DLGAP2: variants seen among roughly 807,000 people sequenced by gnomAD.
The protein encoded by DLGAP2 is DLG associated protein 2.
In DLGAP2, 26 loss-of-function variants were observed where a neutral mutation model predicts 100.3. The ratio of observed to expected loss-of-function variants is 0.26; its 90% CI spans 0.19 to 0.36. DLGAP2 has a LOEUF of 0.36. DLGAP2 is among the 10% of genes least tolerant of loss of function. DLGAP2 has a pLI of 1.00. For synonymous variants in DLGAP2, 886 were observed against 630.1 expected (o/e 1.41, Z -6.08); for missense variants, 1,858 against 1,453.2 (o/e 1.28, Z -4.53).
intron 1 of DLGAP2, among the ~76,000 whole-genome samples, chr8:882,929 G>C (rs975665981): frequency 3.9e-5 from 6 of 152,256 alleles, no homozygotes; most frequent in African/African-American, 1.4e-4. Flanking sequence ...GTCTGGGCAT[G>C]GGTAACTACT....
intron 3 of DLGAP2, among the ~76,000 whole-genome samples, chr8:1,458,419 T>C (rs1798380539): frequency 6.6e-6 from 1 of 152,160 alleles, no homozygotes; most frequent in Non-Finnish European, 1.5e-5. Context: ...TGGCCTTTTA[T>C]TGTGTTGAGT....
At chr8:1,198,969 T>C (rs949295810) in intron 2 of DLGAP2, among the ~76,000 whole-genome samples, 1 of 152,220 alleles carries the variant, frequency 6.6e-6, no homozygotes, top group Non-Finnish European at 1.5e-5. Flanking sequence ...GCTATACCAG[T>C]TGTGGATGAA....
At chr8:1,154,993 C>T (rs949041115) in intron 2 of DLGAP2, among the ~76,000 whole-genome samples, 1 of 152,222 alleles carries the variant, frequency 6.6e-6, no homozygotes, top group Non-Finnish European at 1.5e-5. Flanking sequence ...CTTCCCGGGC[C>T]TTGTCCCTCC....
intron 1 of DLGAP2, among the ~76,000 whole-genome samples, chr8:824,257 G>T (rs1011959224): frequency 2.1e-4 from 32 of 151,556 alleles, no homozygotes; most frequent in African/African-American, 7.3e-4. Context: ...GTATTTTTTT[G>T]TAGAGATGGG....
At chr8:995,683 C>G (rs1431373153) in intron 2 of DLGAP2, among the ~76,000 whole-genome samples, 1 of 152,142 alleles carries the variant, frequency 6.6e-6, no homozygotes, top group East Asian at 1.9e-4. Context: ...ACAGAAGTGA[C>G]TCAGCATGGG....
At chr8:1,516,501 G>T (rs529531025) in intron 4 of DLGAP2, among the ~76,000 whole-genome samples, 6 of 151,286 alleles carry the variant, frequency 4.0e-5, no homozygotes, top group African/African-American at 1.5e-4. Context: ...ATGAATGAGT[G>T]AGTGAATGAG....
intron 2 of DLGAP2, among the ~76,000 whole-genome samples, chr8:952,882 C>G (rs1270515708): frequency 6.6e-6 from 1 of 152,196 alleles, no homozygotes; most frequent in Non-Finnish European, 1.5e-5. Context: ...TGCATTCTCA[C>G]ACAAATATGG....
chr8:1,318,723 C>G (rs12547482), intron 3 of DLGAP2, among the ~76,000 whole-genome samples: 2 of 151,426 alleles, frequency 1.3e-5, no homozygotes, highest in Non-Finnish European at 2.9e-5. Flanking sequence ...GGTTCCTATT[C>G]GTACTTAATA....
intron 1 of DLGAP2, among the ~76,000 whole-genome samples, chr8:882,486 C>A (rs545425010): frequency 7.8e-6 from 1 of 127,804 alleles, no homozygotes; most frequent in Non-Finnish European, 1.6e-5. Flanking sequence ...CTCGCCTGAT[C>A]CAGCGGTACC....
chr8:1,252,503 T>C (rs1437153269), intron 2 of DLGAP2, among the ~76,000 whole-genome samples: 1 of 152,240 alleles, frequency 6.6e-6, no homozygotes, highest in Non-Finnish European at 1.5e-5. Flanking sequence ...CACAGTCACG[T>C]CATCACCATG....
chr8:945,154 C>T (rs1378522708), intron 2 of DLGAP2, among the ~76,000 whole-genome samples: 1 of 152,154 alleles, frequency 6.6e-6, no homozygotes, highest in Non-Finnish European at 1.5e-5. Context: ...AGAACCATGA[C>T]TTTTGTTTTT....
chr8:984,511 G>A (rs116866037), intron 2 of DLGAP2, among the ~76,000 whole-genome samples: 3 of 152,148 alleles, frequency 2.0e-5, no homozygotes, highest in Admixed American at 6.5e-5. Context: ...CTTGGCCCAC[G>A]CTCCTGGCCA....
chr8:1,707,856 C>G lies in DLGAP2; in HGVS notation c.*6450C>G, dbSNP rs1799747379. On this transcript the variant is annotated 3_prime_UTR_variant, in exon 15 of 15. Coordinates refer to ENST00000637795, the MANE Select transcript of DLGAP2 (RefSeq NM_001346810.2). ...GAGTGCCAAATATTCAGCATCTGTA[C>G]AAAGTCATTCACTGGAATTCAACTA... The G allele has an allele frequency of 6.6e-6, 1 of 152,590 alleles. No individual in the cohort carries two copies. The highest frequency in any genetic ancestry group is 2.1e-4 in the South Asian group (1 of 4,834). The allele number at this position is 152,590 out of a possible 1,614,324, so 9.5% of individuals were successfully genotyped here.
chr8:1,367,552 G>A (rs751739424), intron 3 of DLGAP2, among the ~76,000 whole-genome samples: 9 of 152,186 alleles, frequency 5.9e-5, no homozygotes, highest in African/African-American at 1.2e-4. Flanking sequence ...CAGTGGGATC[G>A]TTGTCACCTC....
intron 2 of DLGAP2, among the ~76,000 whole-genome samples, chr8:972,682 G>A (rs112984290): frequency 0.017 from 2,610 of 151,772 alleles, 75 homozygotes; most frequent in African/African-American, 0.06. Flanking sequence ...GATTTGGCAG[G>A]GTCATAGGAC....
chr8:1,036,138 C>T (rs1223246647), intron 2 of DLGAP2, among the ~76,000 whole-genome samples: 1 of 147,670 alleles, frequency 6.8e-6, no homozygotes, highest in Non-Finnish European at 1.5e-5. Flanking sequence ...ATCCCGACCC[C>T]GCGTGTCACC....
chr8:779,563 A>G (rs1315631575), intron 1 of DLGAP2, among the ~76,000 whole-genome samples: 1 of 151,266 alleles, frequency 6.6e-6, no homozygotes, highest in Non-Finnish European at 1.5e-5. Context: ...TCCTGGGCTC[A>G]AGTGATCTTC....
chr8:1,168,679 C>G (rs938320738), intron 2 of DLGAP2, among the ~76,000 whole-genome samples: 1 of 145,790 alleles, frequency 6.9e-6, no homozygotes, highest in South Asian at 2.2e-4. Context: ...TAAATGTCTT[C>G]TTTTGAGAAG....
chr8:745,129 C>T lies in DLGAP2; in HGVS notation c.18+7304C>T, dbSNP rs555518145. On this transcript the variant is annotated intron_variant, in intron 1 of 14. Coordinates refer to ENST00000637795, the MANE Select transcript of DLGAP2 (RefSeq NM_001346810.2). ...CCGAGTTGTGGGTGCTGGAGACAAG[C>T]ACAGCGGCAGGTTCTTTACCTTTTT... is the stretch of plus-strand genomic sequence containing the variant. Among the ~76,000 whole-genome samples, 5 of 152,380 alleles carry T rather than the reference C, an allele frequency of 3.3e-5. No homozygotes were observed. In the East Asian group the frequency reaches 9.6e-4, roughly 29 times the overall value.
Sources: gnomAD v4.1 joint callset for allele counts (sites outside exome capture counted in the v4.1 genomes callset) on GRCh38, gnomAD v4.1.1 for gene constraint, MANE v1.5 for transcripts, NCBI Gene and HGNC (gene_info 2026-07-23, HGNC 2026-07-21) for gene names.